Variants in MAPK8IP3 observed in about 807,000 individuals in gnomAD.
MAPK8IP3 encodes C-Jun-amino-terminal kinase-interacting protein 3.
A neutral mutation model predicts 157.8 loss-of-function variants in MAPK8IP3; 49 were observed. The ratio of observed to expected loss-of-function variants is 0.31; its 90% CI spans 0.25 to 0.39. The LOEUF (loss-of-function observed/expected upper bound fraction) is 0.39. Ranked by LOEUF, MAPK8IP3 falls within the 10% of genes least tolerant of loss-of-function variation. The pLI is 1.00. For missense variants in MAPK8IP3, 1,478 were observed against 1,889.4 expected, an observed-to-expected ratio of 0.78 and a Z score of 4.04; for synonymous variants, 897 against 777.7, an observed-to-expected ratio of 1.15 and a Z score of -2.55.
intron 11 of MAPK8IP3, 162 bp from the exon 12 acceptor site, chr16:1,760,218 G>A: frequency 9.9e-7 from 1 of 1,007,488 alleles, no homozygotes; most frequent in Non-Finnish European, 1.5e-6. Context: ...TAACAAGGGT[G>A]CTATAGGGTT....
intron 23 of MAPK8IP3, 32 bp from the exon 24 acceptor site, chr16:1,766,691 A>G (rs1239346225): frequency 2.5e-6 from 4 of 1,612,500 alleles, no homozygotes; most frequent in Non-Finnish European, 3.4e-6. Context: ...GTCCTGGGTG[A>G]GCCCCTCGCC....
rs745595648 is a variant in MAPK8IP3 at position 1,724,552 on chromosome 16, C to T, written c.319-5C>T. On this transcript the variant is annotated splice_polypyrimidine_tract_variant and splice_region_variant and intron_variant, in intron 1 of 31. Coordinates refer to ENST00000610761, the MANE Select transcript of MAPK8IP3 (RefSeq NM_001318852.2). The surrounding 1 kb of genome is among the most constrained non-coding windows in gnomAD (Gnocchi z 4.1). ...GACTGCTCTTTCCCTCCCTTCCATG[C>T]ACAGAAATTCATTGAGTTTGAAGAT... 3.1e-6 allele frequency: 5 copies of T among 1,612,798 alleles called. No homozygotes were observed. Among genetic ancestry groups the T allele is most frequent in the Non-Finnish European group, 4.2e-6 (5 of 1,179,842 alleles).
intron 5 of MAPK8IP3, chr16:1,744,530 C>T (rs1389923811): frequency 2.0e-5 from 20 of 985,424 alleles, no homozygotes; most frequent in Non-Finnish European, 2.4e-5. Context: ...GAGAGGGTGG[C>T]GGGGCTGCGG....
chr16:1,727,902 C>G (rs2039000121), intron 2 of MAPK8IP3, among the ~76,000 whole-genome samples: 1 of 152,222 alleles, frequency 6.6e-6, no homozygotes, highest in Non-Finnish European at 1.5e-5. Flanking sequence ...GGAGTCATTT[C>G]TAAACAGACA....
chr16:1,706,778 CT>C lies in MAPK8IP3; in HGVS notation c.318+122del, dbSNP rs1480127262. ...TCCGGCACCCCGGACCGCGGGACCC[CT>C]GGACCCCCAGACCCCGCCCCGAGAC... is the stretch of plus-strand genomic sequence containing the variant. On this transcript the variant is annotated intron_variant, in intron 1 of 31. Coordinates refer to ENST00000610761, the MANE Select transcript of MAPK8IP3 (RefSeq NM_001318852.2). This position sits in a 1 kb window ranked among gnomAD's most constrained non-coding sequence, Gnocchi z 5.1. 5 of 1,161,456 alleles carry C rather than the reference CT, an allele frequency of 4.3e-6. No individual in the cohort carries two copies. The African/African-American group carries it at 6.5e-5, about 15-fold the overall frequency. The allele number at this position is 1,161,456 out of a possible 1,614,324, so 71.9% of individuals were successfully genotyped here.
At position 1,765,949 on chromosome 16, in the gene MAPK8IP3, C is replaced by G; in HGVS notation, c.2447-11C>G. ...CCCCCGCACAGGCTGACGGGCCGTC[C>G]CTCTCCCCAGCGGCCAGCGACAGCG... On this transcript the variant is annotated splice_polypyrimidine_tract_variant and intron_variant, in intron 20 of 31. Coordinates refer to ENST00000610761, the MANE Select transcript of MAPK8IP3 (RefSeq NM_001318852.2). 1 of 1,605,670 alleles carries G rather than the reference C, an allele frequency of 6.2e-7. No homozygotes were observed. The highest frequency in any genetic ancestry group is 8.5e-7 in the Non-Finnish European group (1 of 1,175,722).
At chr16:1,745,301 A>G (rs561774088) in intron 5 of MAPK8IP3, 1 of 474,396 alleles carries the variant, frequency 2.1e-6, no homozygotes. Flanking sequence ...GCCTGGCCAC[A>G]TGGGGTTCCC....
chr16:1,731,098 C>T (rs1025293385), intron 4 of MAPK8IP3, among the ~76,000 whole-genome samples: 4 of 152,236 alleles, frequency 2.6e-5, no homozygotes, highest in Non-Finnish European at 5.9e-5. Flanking sequence ...TGAGATCACG[C>T]CACAGCACTC....
At chr16:1,717,888 A>G (rs187851404) in intron 1 of MAPK8IP3, among the ~76,000 whole-genome samples, 9 of 150,802 alleles carry the variant, frequency 6.0e-5, no homozygotes, top group Admixed American at 3.3e-4. Context: ...GTCTCGCTCT[A>G]TCGCCCAGGC....
rs1445530147 is a variant in MAPK8IP3 at position 1,764,577 on chromosome 16, AGC to A, written c.2280+121_2280+122del. 2.9e-6 allele frequency: 4 copies of A among 1,358,376 alleles called. No homozygotes were observed. The African/African-American group carries it at 5.8e-5, about 20-fold the overall frequency. 84.1% of individuals were successfully genotyped at this position (1,358,376 alleles called of 1,614,324 possible). On this transcript the variant is annotated intron_variant, in intron 19 of 31. Transcript: ENST00000610761. ...TGGGGACAGCACCCGGAAGCAGGGC[AGC>A]GCAGGGGCTCCTAGACTGCGGGAAG...
At position 1,743,676 on chromosome 16, in the gene MAPK8IP3, G is replaced by A. The variant is rs750174971; in HGVS notation, c.747+200G>A. 42 of 1,411,728 alleles carry A rather than the reference G, an allele frequency of 3.0e-5. No individual in the cohort carries two copies. The highest frequency in any genetic ancestry group is 3.5e-5 in the Non-Finnish European group (38 of 1,091,634). The allele number at this position is 1,411,728 out of a possible 1,614,324, so 87.5% of individuals were successfully genotyped here. On this transcript the variant is annotated intron_variant, in intron 5 of 31. Coordinates refer to ENST00000610761, the MANE Select transcript of MAPK8IP3 (RefSeq NM_001318852.2). This position sits in a 1 kb window ranked among gnomAD's most constrained non-coding sequence, Gnocchi z 5.6. Reference sequence around the variant, plus strand: ...GCCCAGCAGGCCCTGTGTGGCTGTGGCTGTTCCACGCGGCCTCGTGTCGGC... The same window carrying A: ...GCCCAGCAGGCCCTGTGTGGCTGTGACTGTTCCACGCGGCCTCGTGTCGGC...
intron 2 of MAPK8IP3, among the ~76,000 whole-genome samples, chr16:1,726,935 A>G (rs2038915214): frequency 6.6e-6 from 1 of 152,202 alleles, no homozygotes; most frequent in African/African-American, 2.4e-5. Context: ...ACATGTGTGC[A>G]GCGTGCAGTG....
chr16:1,706,767 C>G lies in MAPK8IP3; in HGVS notation c.318+110C>G. On this transcript the variant is annotated intron_variant, in intron 1 of 31. Coordinates refer to ENST00000610761, the MANE Select transcript of MAPK8IP3 (RefSeq NM_001318852.2). This position sits in a 1 kb window ranked among gnomAD's most constrained non-coding sequence, Gnocchi z 5.1. ...CCAGACCCCGCTCCGGCACCCCGGACCGCGGGACCCCTGGACCCCCAGACC... is the reference window on the plus strand; with the variant it reads ...CCAGACCCCGCTCCGGCACCCCGGAGCGCGGGACCCCTGGACCCCCAGACC... 8.1e-7 allele frequency: 1 copy of G among 1,233,880 alleles called. No individual in the cohort carries two copies. The highest frequency in any genetic ancestry group is 1.6e-5 in the South Asian group (1 of 61,816). The allele number at this position is 1,233,880 out of a possible 1,614,324, so 76.4% of individuals were successfully genotyped here. A position where few individuals can be genotyped will look rare whatever the true frequency, so the allele number is the denominator to read the frequency against.
chr16:1,744,556 T>A (rs990359330), intron 5 of MAPK8IP3: 2 of 985,520 alleles, frequency 2.0e-6, no homozygotes, highest in African/African-American at 3.5e-5. Context: ...CCGGGCCTTC[T>A]GGGCCCAGCC....
intron 5 of MAPK8IP3, chr16:1,744,543 T>C: frequency 1.0e-6 from 1 of 985,538 alleles, no homozygotes; most frequent in Non-Finnish European, 1.2e-6. Flanking sequence ...GGCTGCGGGC[T>C]CCCCGGGCCT....
chr16:1,738,183 TCC>T (rs1255690606), intron 4 of MAPK8IP3, among the ~76,000 whole-genome samples: 3 of 92,440 alleles, frequency 3.2e-5, no homozygotes, highest in Admixed American at 1.2e-4. Flanking sequence ...CGTGTGAGCG[TCC>T]GTGAGCGTGT....
At chr16:1,713,133 C>T (rs1255705757) in intron 1 of MAPK8IP3, among the ~76,000 whole-genome samples, 5 of 152,224 alleles carry the variant, frequency 3.3e-5, no homozygotes, top group South Asian at 4.1e-4. Flanking sequence ...TCTGACAGAA[C>T]GTTCTGGGAT....
At chr16:1,733,116 T>C (rs922136987) in intron 4 of MAPK8IP3, among the ~76,000 whole-genome samples, 1 of 152,100 alleles carries the variant, frequency 6.6e-6, no homozygotes, top group Non-Finnish European at 1.5e-5. Context: ...TCAGGGGAGC[T>C]GGGGGCAGAG....
intron 1 of MAPK8IP3, among the ~76,000 whole-genome samples, chr16:1,709,179 T>C (rs937451310): frequency 1.3e-5 from 2 of 152,228 alleles, no homozygotes; most frequent in African/African-American, 2.4e-5. Flanking sequence ...CAGACATCCC[T>C]GTTCCCATCT....
Sources: gnomAD v4.1 joint callset for allele counts (sites outside exome capture counted in the v4.1 genomes callset) on GRCh38, gnomAD v4.1.1 for gene constraint, Gnocchi (gnomAD v3.1) non-coding constraint, MANE v1.5 for transcripts, NCBI Gene and HGNC (gene_info 2026-07-23, HGNC 2026-07-21) for gene names.